RXFP1: variants seen among roughly 807,000 people sequenced by gnomAD.
RXFP1 encodes relaxin family peptide receptor 1, also known as relaxin receptor 1.
Under a neutral mutation model 89.8 loss-of-function variants are expected in RXFP1, and 73 were observed. That is an observed-to-expected ratio of 0.81 (90% confidence interval 0.67 to 0.99). The LOEUF is 0.99. RXFP1 is among the 50% of genes least tolerant of loss of function. The pLI, the probability that RXFP1 is intolerant of heterozygous loss-of-function variation, is 0.00. For synonymous variants in RXFP1, 277 were observed against 305.5 expected (o/e 0.91, Z 0.97); for missense variants, 793 against 895.5 (o/e 0.89, Z 1.46).
chr4:158,558,367 T>C (rs925157707), intron 1 of RXFP1, among the ~76,000 whole-genome samples: 2 of 152,168 alleles, frequency 1.3e-5, no homozygotes, highest in Non-Finnish European at 2.9e-5. Flanking sequence ...GCCTTCCTTA[T>C]TCATAGCCAA....
At chr4:158,566,839 G>C (rs1018551169) in intron 1 of RXFP1, among the ~76,000 whole-genome samples, 3 of 152,220 alleles carry the variant, frequency 2.0e-5, no homozygotes, top group Non-Finnish European at 4.4e-5. Flanking sequence ...CGCCCATTCT[G>C]GCCGGGCTTG....
intron 14 of RXFP1, among the ~76,000 whole-genome samples, chr4:158,642,025 C>T (rs545871245): frequency 4.6e-5 from 7 of 152,046 alleles, no homozygotes; most frequent in South Asian, 4.1e-4. Context: ...ATTTATTGAA[C>T]GCTTTATTAT....
At chr4:158,623,324 C>T (rs1190435847) in intron 9 of RXFP1, among the ~76,000 whole-genome samples, 1 of 145,476 alleles carries the variant, frequency 6.9e-6, no homozygotes, top group African/African-American at 2.7e-5. Flanking sequence ...CACGGTGAAA[C>T]CCTGTCTCTA....
At chr4:158,582,777 A>T (rs1236088048) in intron 2 of RXFP1, among the ~76,000 whole-genome samples, 3 of 152,182 alleles carry the variant, frequency 2.0e-5, no homozygotes, top group Non-Finnish European at 4.4e-5. Flanking sequence ...CCCAGAAACC[A>T]ATATGGGAAA....
At chr4:158,646,380 T>C in intron 15 of RXFP1, 1 of 700,896 alleles carries the variant, frequency 1.4e-6, no homozygotes, top group African/African-American at 1.8e-5. Flanking sequence ...CACCTTGAGC[T>C]TGTTGCGTTG....
intron 6 of RXFP1, among the ~76,000 whole-genome samples, chr4:158,608,271 A>G (rs946798013): frequency 1.1e-5 from 1 of 93,356 alleles, no homozygotes; most frequent in Non-Finnish European, 2.2e-5. Context: ...AGCAATTTGT[A>G]TTCCTTTCTT....
intron 3 of RXFP1, among the ~76,000 whole-genome samples, chr4:158,595,753 G>A (rs1561089474): frequency 6.6e-6 from 1 of 152,098 alleles, no homozygotes; most frequent in Non-Finnish European, 1.5e-5. Context: ...TCCAGTTTAA[G>A]GGGATAGACG....
Position 158,540,492 on chromosome 4 carries a change from A to G in RXFP1, c.49+18467A>G, listed in dbSNP as rs1264390384. On this transcript the variant is annotated intron_variant, in intron 1 of 17. Coordinates refer to ENST00000307765, the MANE Select transcript of RXFP1 (RefSeq NM_021634.4). ...ACTCTTGTCACCATCTTGGTTTTGG[A>G]AGGTTTTGGCTGGCTTCTGTACCGC... Among the ~76,000 whole-genome samples, 3 of 151,686 alleles carry G rather than the reference A, an allele frequency of 2.0e-5. No homozygotes were observed. The East Asian group carries it at 5.8e-4, about 29-fold the overall frequency.
chr4:158,620,962 AT>A (rs1765509950), intron 9 of RXFP1, among the ~76,000 whole-genome samples: 1 of 151,834 alleles, frequency 6.6e-6, no homozygotes, highest in Non-Finnish European at 1.5e-5. Flanking sequence ...CTCTATTAAA[AT>A]TTTTTTTAAA....
chr4:158,571,723 T>A (rs1755109540), intron 1 of RXFP1, among the ~76,000 whole-genome samples: 1 of 136,858 alleles, frequency 7.3e-6, no homozygotes, highest in African/African-American at 2.7e-5. Flanking sequence ...AATTTTCCTT[T>A]AATAAAAAGC....
At chr4:158,613,577 A>C (rs914203956) in intron 8 of RXFP1, among the ~76,000 whole-genome samples, 5 of 152,204 alleles carry the variant, frequency 3.3e-5, no homozygotes, top group African/African-American at 1.2e-4. Flanking sequence ...TCATCTGTTC[A>C]AGTTTTATCA....
chr4:158,575,959 C>T (rs2150009020), intron 2 of RXFP1, among the ~76,000 whole-genome samples: 1 of 152,230 alleles, frequency 6.6e-6, no homozygotes, highest in East Asian at 1.9e-4. Flanking sequence ...GTTCTGGTCT[C>T]AGCTGGATTT....
rs111377466 is a variant in RXFP1 at position 158,593,306 on chromosome 4, C to T, written c.188-95C>T. The T allele has an allele frequency of 6.4e-6, 4 of 626,644 alleles. No individual in the cohort carries two copies. In the Middle Eastern group the frequency reaches 8.1e-4, roughly 126 times the overall value. The allele number at this position is 626,644 out of a possible 1,614,324, so 38.8% of individuals were successfully genotyped here. ...GTTTATCTCGCTACATTTGGAGAAA[C>T]CACTGGACTGTTTTAAAGAGAGGAC... On this transcript the variant is annotated intron_variant, in intron 2 of 17. Coordinates refer to ENST00000307765, the MANE Select transcript of RXFP1 (RefSeq NM_021634.4).
At chr4:158,558,996 T>C (rs1751898695) in intron 1 of RXFP1, among the ~76,000 whole-genome samples, 1 of 152,240 alleles carries the variant, frequency 6.6e-6, no homozygotes, top group African/African-American at 2.4e-5. Flanking sequence ...GCTGGAAAGA[T>C]GCTTATTCAA....
Position 158,599,322 on chromosome 4 carries a change from T to G in RXFP1, c.287-4T>G. ...TCATGCCTTACCACTTCCCCTTGAT[T>G]CAGTGGTCGGTTCTGTGCCAGTGCA... On this transcript the variant is annotated splice_region_variant and splice_polypyrimidine_tract_variant and intron_variant, in intron 3 of 17. Transcript: ENST00000307765. 6.2e-6 allele frequency: 10 copies of G among 1,613,816 alleles called. No individual in the cohort carries two copies. Among genetic ancestry groups the G allele is most frequent in the Non-Finnish European group, 8.5e-6 (10 of 1,179,822 alleles).
intron 2 of RXFP1, among the ~76,000 whole-genome samples, chr4:158,585,939 G>A (rs748560239): frequency 2.2e-4 from 34 of 152,292 alleles, no homozygotes; most frequent in Non-Finnish European, 4.1e-4. Flanking sequence ...AATACACTCC[G>A]AGTCACAGGA....
At chr4:158,619,107 G>A (rs989090826) in intron 9 of RXFP1, among the ~76,000 whole-genome samples, 2 of 151,172 alleles carry the variant, frequency 1.3e-5, no homozygotes, top group African/African-American at 2.4e-5. Flanking sequence ...ACACACACAC[G>A]CATACACACA....
chr4:158,613,665 A>G lies in RXFP1; in HGVS notation c.680+1303A>G, dbSNP rs114884796. Reference sequence around the variant, plus strand: ...CTCTTGCTATTTCTACTTCTTCTACAGTTACTTCTTCCACTGAAGTCTTGA... The same window carrying G: ...CTCTTGCTATTTCTACTTCTTCTACGGTTACTTCTTCCACTGAAGTCTTGA... On this transcript the variant is annotated intron_variant, in intron 8 of 17. Coordinates refer to ENST00000307765, the MANE Select transcript of RXFP1 (RefSeq NM_021634.4). Among the ~76,000 whole-genome samples the G allele has an allele frequency of 5.1e-3, 780 of 152,312 alleles. 9 individuals carry two copies. Among genetic ancestry groups the G allele is most frequent in the Middle Eastern group, 0.024 (7 of 294 alleles).
At chr4:158,610,788 C>A in intron 6 of RXFP1, 1 of 1,020,962 alleles carries the variant, frequency 9.8e-7, no homozygotes, top group Non-Finnish European at 1.3e-6. Context: ...CCTTACTGTG[C>A]CCACCTGGGC....
Sources: allele counts gnomAD v4.1 joint callset (sites outside exome capture counted in the v4.1 genomes callset), GRCh38; gene constraint gnomAD v4.1.1; transcripts MANE v1.5; gene names NCBI Gene and HGNC (gene_info 2026-07-23, HGNC 2026-07-21).